NKTR: variants seen among roughly 807,000 people sequenced by gnomAD.
NKTR encodes NK-tumor recognition protein.
In NKTR, 67 loss-of-function variants were observed where a neutral mutation model predicts 156.3. The ratio of observed to expected loss-of-function variants is 0.43; its 90% confidence interval spans 0.35 to 0.53. The LOEUF (loss-of-function observed/expected upper bound fraction) is 0.53, where lower values mean the gene tolerates loss of function less well. Ranked by LOEUF, NKTR falls within the 20% of genes least tolerant of loss-of-function variation. NKTR has a pLI of 0.01. For synonymous variants in NKTR, 640 were observed against 596.6 expected, an observed-to-expected ratio of 1.07 and a Z score of -1.06; for missense variants, 1,604 against 1,730.9, an observed-to-expected ratio of 0.93 and a Z score of 1.30.
At chr3:42,623,426 A>G (rs1331065273) in intron 6 of NKTR, among the ~76,000 whole-genome samples, 2 of 152,082 alleles carry the variant, frequency 1.3e-5, no homozygotes, top group Non-Finnish European at 2.9e-5. Flanking sequence ...TAATCCTCCT[A>G]TATTTTTTCT....
intron 14 of NKTR, 25 bp from the exon 15 acceptor site, chr3:42,643,314 T>C: frequency 1.2e-6 from 2 of 1,606,260 alleles, no homozygotes; most frequent in Non-Finnish European, 1.7e-6. Context: ...TATAAGATGA[T>C]GGTCCTTCAT....
At chr3:42,600,833 C>T (rs1293568937) in intron 1 of NKTR, 55 bp downstream of exon 1, 3 of 428,746 alleles carry the variant, frequency 7.0e-6, no homozygotes, top group Non-Finnish European at 1.2e-5. Context: ...AGGCCCGGGG[C>T]GGGAGGGGGC....
At position 42,636,992 on chromosome 3, in the gene NKTR, C is replaced by T. The variant is rs143458948; in HGVS notation, c.1288C>T (p.Arg430Cys). The part of the protein sequence containing the change: ...TARHSGHHKK[R>C]RKEKKVKHKK... ...AAGACACTCTGGCCACCATAAAAAA[C>T]GCAGAAAAGAAAAAAAGGTTAAGCA... The change falls in exon 13 of 17, where the codon CGC (arginine) becomes TGC (cysteine). Residue 430 changes from arginine to cysteine, a missense_variant. By Grantham distance (180) the Arg-to-Cys change is radical (BLOSUM62 -3). Coordinates refer to ENST00000232978, the MANE Select transcript of NKTR (RefSeq NM_005385.4). 1.1e-4 allele frequency: 170 copies of T among 1,612,472 alleles called. No homozygotes were observed. Among genetic ancestry groups the T allele is most frequent in the Non-Finnish European group, 1.3e-4 (154 of 1,179,660 alleles).
chr3:42,628,346 T>G, intron 6 of NKTR: 13 of 985,422 alleles, frequency 1.3e-5, no homozygotes, highest in Non-Finnish European at 1.3e-5. Flanking sequence ...CAGTTTTCAT[T>G]TGAATTAAAA....
intron 2 of NKTR, chr3:42,601,680 A>G (rs543948715): frequency 2.6e-5 from 4 of 152,162 alleles, no homozygotes; most frequent in Non-Finnish European, 4.4e-5. Context: ...TAAATGAAAC[A>G]TTTCCTTCTA....
intron 6 of NKTR, among the ~76,000 whole-genome samples, chr3:42,622,616 T>C (rs17074664): frequency 0.033 from 4,955 of 152,140 alleles, 130 homozygotes; most frequent in East Asian, 0.11. Flanking sequence ...TGATAAAAGA[T>C]TATGCTTAGA....
chr3:42,615,422 C>T (rs1242864651), intron 2 of NKTR, among the ~76,000 whole-genome samples: 1 of 151,316 alleles, frequency 6.6e-6, no homozygotes, highest in Non-Finnish European at 1.5e-5. Flanking sequence ...TTAGCTATCC[C>T]TCTCCGAATA....
chr3:42,640,696 C>T (rs2284305), intron 13 of NKTR, among the ~76,000 whole-genome samples: 26,090 of 152,168 alleles, frequency 0.17, 2,756 homozygotes, highest in East Asian at 0.47. Flanking sequence ...TTCCCCTCCC[C>T]GCATCTCTTA....
chr3:42,639,547 A>T lies in NKTR; in HGVS notation c.3843A>T (p.Val1281=). 6.2e-7 allele frequency: 1 copy of T among 1,614,228 alleles called. No individual in the cohort carries two copies. The highest frequency in any genetic ancestry group is 8.5e-7 in the Non-Finnish European group (1 of 1,180,026). The part of the protein sequence containing the change: ...KVRPGSLFDE[V]RKTARLNRRP... ...GGCCTGGGTCTCTCTTTGATGAAGT[A>T]AGAAAGACAGCACGCTTAAACCGTA... The change falls in exon 13 of 17, where the codon GTA becomes GTT. Residue 1281 remains valine, a synonymous_variant. Transcript: ENST00000232978.
Position 42,634,655 on chromosome 3 carries a change from A to G in NKTR, c.972A>G (p.Pro324=). ...DVAPIVSDQK[P]SVSKSGRKIK... ...CACCCATTGTAAGTGATCAGAAACC[A>G]TCTGTATCAAAGTCTGGACGGAAGA... Residue 324 remains proline (P), a synonymous_variant, in exon 11 of 17, where the codon CCA becomes CCG. Transcript: ENST00000232978. The G allele has an allele frequency of 1.2e-6, 2 of 1,605,200 alleles. No homozygotes were observed. Among genetic ancestry groups the G allele is most frequent in the Admixed American group, 1.7e-5 (1 of 58,968 alleles).
chr3:42,633,146 C>G, intron 9 of NKTR: 1 of 496,224 alleles, frequency 2.0e-6, no homozygotes, highest in Non-Finnish European at 2.8e-6. Flanking sequence ...CTCAAGAGAT[C>G]TTTCTGCATC....
intron 2 of NKTR, among the ~76,000 whole-genome samples, chr3:42,605,446 T>C (rs1207397767): frequency 6.6e-6 from 1 of 152,200 alleles, no homozygotes; most frequent in African/African-American, 2.4e-5. Flanking sequence ...TACCAAGAAA[T>C]TAGTCTTAAG....
intron 1 of NKTR, 82 bp from the exon 2 acceptor site, chr3:42,600,902 T>A (rs1320766586): frequency 2.4e-6 from 2 of 849,604 alleles, no homozygotes; most frequent in African/African-American, 3.6e-5. Context: ...TGGCGCGGAC[T>A]TCGTCTCAGC....
chr3:42,620,551 G>A (rs1707815350), intron 5 of NKTR: 1 of 984,802 alleles, frequency 1.0e-6, no homozygotes, highest in Non-Finnish European at 1.2e-6. Context: ...CTCTTTTTCA[G>A]AAGCCTGTTC....
chr3:42,638,176 A>C lies in NKTR; in HGVS notation c.2472A>C (p.Glu824Asp). The change falls in exon 13 of 17, where the codon GAA (glutamate) becomes GAC (aspartate). Residue 824 changes from glutamate (E) to aspartate (D), a missense_variant. Physicochemically the swap from Glu to Asp is conservative, Grantham distance 45. Coordinates refer to ENST00000232978, the MANE Select transcript of NKTR (RefSeq NM_005385.4). Reference protein sequence around the residue: ...SSVQATQSAQEKEKQGQMERT... With the variant: ...SSVQATQSAQDKEKQGQMERT... ...TTCAGGCCACACAGTCAGCCCAGGA[A>C]AAAGAGAAGCAGGGCCAAATGGAAA... 6.2e-7 allele frequency: 1 copy of C among 1,612,446 alleles called. No homozygotes were observed. Among genetic ancestry groups the C allele is most frequent in the African/African-American group, 1.3e-5 (1 of 74,828 alleles).
intron 5 of NKTR, 100 bp from the exon 6 acceptor site, chr3:42,621,329 A>G (rs1707884898): frequency 1.4e-6 from 2 of 1,467,674 alleles, no homozygotes; most frequent in Non-Finnish European, 1.8e-6. Flanking sequence ...TGTACTGACC[A>G]GAAGAGGAAT....
intron 14 of NKTR, 44 bp downstream of exon 14, chr3:42,642,640 C>T (rs1376917676): frequency 3.5e-6 from 5 of 1,413,976 alleles, no homozygotes; most frequent in South Asian, 2.3e-5. Context: ...CCATCATGTC[C>T]ACTTTTTAAG....
At chr3:42,603,154 C>G in intron 2 of NKTR, 1 of 150,898 alleles carries the variant, frequency 6.6e-6, no homozygotes, top group Admixed American at 6.6e-5. Flanking sequence ...TTGCTTGAAC[C>G]CAGGAGTTTG....
rs1274251360 is a variant in NKTR, at chr3:42,646,041, G to C, written c.*66G>C. On this transcript the variant is annotated 3_prime_UTR_variant, in exon 17 of 17. Coordinates refer to ENST00000232978, the MANE Select transcript of NKTR (RefSeq NM_005385.4). ...GGCAACTTAGCTTAAGAAATGTAAT[G>C]ACAGTCTGTTGTTCTATTTCAATAT... is the stretch of plus-strand genomic sequence containing the variant. 8.7e-7 allele frequency: 1 copy of C among 1,155,838 alleles called. No homozygotes were observed. Among genetic ancestry groups the C allele is most frequent in the African/African-American group, 1.5e-5 (1 of 65,828 alleles). 71.6% of individuals were successfully genotyped at this position (1,155,838 alleles called of 1,614,324 possible).
Sources: gnomAD v4.1 joint callset for allele counts (sites outside exome capture counted in the v4.1 genomes callset) on GRCh38, gnomAD v4.1.1 for gene constraint, MANE v1.5 for transcripts, NCBI Gene and HGNC (gene_info 2026-07-23, HGNC 2026-07-21) for gene names.